Variants in CNGA1 observed in about 807,000 individuals in gnomAD.
The protein encoded by CNGA1 is cyclic nucleotide gated channel subunit alpha 1, also known as cyclic nucleotide-gated channel alpha-1.
Under a neutral mutation model 69.7 loss-of-function variants are expected in CNGA1, and 53 were observed. The observed-to-expected ratio is 0.76, with a 90% CI of 0.61 to 0.96. The LOEUF (loss-of-function observed/expected upper bound fraction) is 0.96. Among genes scored for constraint, CNGA1 ranks in the 40% least tolerant of loss-of-function variants. The pLI is 0.00. For missense variants in CNGA1, 739 were observed against 811.2 expected, an observed-to-expected ratio of 0.91 and a Z score of 1.08; for synonymous variants, 249 against 283.5, an observed-to-expected ratio of 0.88 and a Z score of 1.22.
At chr4:47,952,208 CA>C (rs145779138) in intron 4 of CNGA1, among the ~76,000 whole-genome samples, 158 of 149,296 alleles carry the variant, frequency 1.1e-3, no homozygotes, top group Non-Finnish European at 2.1e-3. Flanking sequence ...ACTAAAAATA[CA>C]AAAAAAAAAT....
intron 3 of CNGA1, among the ~76,000 whole-genome samples, chr4:47,964,992 A>G (rs1447053528): frequency 2.0e-5 from 3 of 152,050 alleles, no homozygotes; most frequent in African/African-American, 4.8e-5. Flanking sequence ...TTTTTGTATT[A>G]ATTAATTTCT....
At chr4:47,986,020 A>C (rs1333699226) in intron 2 of CNGA1, among the ~76,000 whole-genome samples, 1 of 152,230 alleles carries the variant, frequency 6.6e-6, no homozygotes, top group Non-Finnish European at 1.5e-5. Flanking sequence ...TAAAGTGTGG[A>C]GCACCTAAAC....
chr4:47,997,587 T>C (rs541065784), intron 2 of CNGA1, among the ~76,000 whole-genome samples: 2 of 152,284 alleles, frequency 1.3e-5, no homozygotes, highest in African/African-American at 4.8e-5. Flanking sequence ...TAAGTTATTA[T>C]GTATTATATA....
intron 10 of CNGA1, among the ~76,000 whole-genome samples, chr4:47,939,193 A>G (rs917031556): frequency 3.9e-5 from 6 of 152,180 alleles, no homozygotes; most frequent in Admixed American, 3.3e-4. Context: ...AACCTCCTTC[A>G]TCCAGGAAAG....
chr4:47,980,682 C>T (rs1291653825), intron 3 of CNGA1, among the ~76,000 whole-genome samples: 1 of 151,884 alleles, frequency 6.6e-6, no homozygotes, highest in Non-Finnish European at 1.5e-5. Flanking sequence ...GCCATATTGC[C>T]CAGGCTGGTC....
chr4:47,991,668 T>G (rs1270656812), intron 2 of CNGA1, among the ~76,000 whole-genome samples: 3 of 152,238 alleles, frequency 2.0e-5, no homozygotes, highest in Admixed American at 2.0e-4. Context: ...CACTTTAGTT[T>G]AATTAAGTCC....
intron 3 of CNGA1, among the ~76,000 whole-genome samples, chr4:47,958,205 TACACCTC>T (rs1413849429): frequency 6.6e-6 from 1 of 152,146 alleles, no homozygotes; most frequent in Non-Finnish European, 1.5e-5. Context: ...AATTTTTATA[TACACCTC>T]TGTTTAACAA....
Position 48,015,551 on chromosome 4 carries a change from C to T in CNGA1, c.-223+932G>A, listed in dbSNP as rs186358079. Among the ~76,000 whole-genome samples, 291 of 152,266 alleles carry T rather than the reference C, an allele frequency of 1.9e-3. 1 individual carries two copies. The highest frequency in any genetic ancestry group is 3.3e-3 in the Non-Finnish European group (226 of 68,024). On this transcript the variant is annotated intron_variant, in intron 1 of 10. Transcript: ENST00000514170. ...GTTAAAATGCCAGAGCACAAAGGCA[C>T]CCCAGTTCTCCCTGGTGAGGGTTTG... is the stretch of plus-strand genomic sequence containing the variant.
At chr4:47,977,309 T>A (rs1741467175) in intron 3 of CNGA1, among the ~76,000 whole-genome samples, 3 of 152,116 alleles carry the variant, frequency 2.0e-5, no homozygotes, top group African/African-American at 7.2e-5. Context: ...CACAAAGGAA[T>A]GACTATGGGA....
intron 9 of CNGA1, 37 bp from the exon 10 acceptor site, chr4:47,940,906 A>C: frequency 7.6e-7 from 1 of 1,313,786 alleles, no homozygotes; most frequent in Non-Finnish European, 1.1e-6. Context: ...ATAAAAAAGA[A>C]ATGGGGGCCA....
At chr4:47,979,686 CTT>C (rs1269840741) in intron 3 of CNGA1, among the ~76,000 whole-genome samples, 12 of 152,106 alleles carry the variant, frequency 7.9e-5, no homozygotes, top group Non-Finnish European at 1.6e-4. Flanking sequence ...TTCTTAGACA[CTT>C]TTTAAAATTT....
chr4:47,963,431 C>T (rs1237369343), intron 3 of CNGA1, among the ~76,000 whole-genome samples: 1 of 152,204 alleles, frequency 6.6e-6, no homozygotes, highest in African/African-American at 2.4e-5. Flanking sequence ...AAATGATCAC[C>T]TGGTCTCTTT....
chr4:47,974,113 TAG>T (rs1741213519), intron 3 of CNGA1, among the ~76,000 whole-genome samples: 1 of 147,120 alleles, frequency 6.8e-6, no homozygotes, highest in East Asian at 2.0e-4. Context: ...GATAGATAGA[TAG>T]ATAGATAGAT....
intron 3 of CNGA1, among the ~76,000 whole-genome samples, chr4:47,954,412 A>T (rs949489122): frequency 6.6e-6 from 1 of 152,146 alleles, no homozygotes; most frequent in African/African-American, 2.4e-5. Flanking sequence ...ACTATAACAC[A>T]TGCCCACTTG....
intron 2 of CNGA1, among the ~76,000 whole-genome samples, chr4:47,998,209 C>T (rs1322220405): frequency 2.6e-5 from 4 of 151,936 alleles, no homozygotes; most frequent in African/African-American, 9.7e-5. Context: ...AGAAATATGA[C>T]CTTGGAGATT....
At chr4:47,968,608 G>A (rs898860664) in intron 3 of CNGA1, among the ~76,000 whole-genome samples, 18 of 152,208 alleles carry the variant, frequency 1.2e-4, no homozygotes, top group African/African-American at 3.9e-4. Context: ...TGCCCCAAGA[G>A]CAGGAGACAT....
chr4:47,988,951 G>A (rs1469384043), intron 2 of CNGA1, among the ~76,000 whole-genome samples: 2 of 151,384 alleles, frequency 1.3e-5, no homozygotes, highest in South Asian at 4.2e-4. Context: ...AGAATGTACA[G>A]GATTAAGAAA....
rs1245665687 is a variant in CNGA1 at position 47,968,051 on chromosome 4, G to A, written c.-15+13342C>T. 5.5e-4 allele frequency among the ~76,000 whole-genome samples: 83 copies of A among 152,060 alleles called. 2 individuals are homozygous for A. Among genetic ancestry groups the A allele is most frequent in the Admixed American group, 5.4e-3 (83 of 15,262 alleles). Reference sequence around the variant, plus strand: ...AAATAGCACACATGTACAATGCACAGAGTTCTCTGCCAGTTGGATAAGGAA... The same window carrying A: ...AAATAGCACACATGTACAATGCACAAAGTTCTCTGCCAGTTGGATAAGGAA... On this transcript the variant is annotated intron_variant, in intron 3 of 10. Coordinates refer to ENST00000514170, the MANE Select transcript of CNGA1 (RefSeq NM_001379270.1).
chr4:47,949,699 A>G lies in CNGA1; in HGVS notation c.287+134T>C, dbSNP rs1329562980. The G allele has an allele frequency of 4.5e-6, 3 of 664,476 alleles. No homozygotes were observed. In the East Asian group the frequency reaches 8.2e-5, roughly 18 times the overall value. The allele number at this position is 664,476 out of a possible 1,614,324, so 41.2% of individuals were successfully genotyped here. ...AACACTACTTTTCAACAAAATGATAAGACTATCATTGCCATTGTATTAGAT... is the reference window on the plus strand; with the variant it reads ...AACACTACTTTTCAACAAAATGATAGGACTATCATTGCCATTGTATTAGAT... On this transcript the variant is annotated intron_variant, in intron 6 of 10. Transcript: ENST00000514170.
Sources: allele counts gnomAD v4.1 joint callset (sites outside exome capture counted in the v4.1 genomes callset), GRCh38; gene constraint gnomAD v4.1.1; transcripts MANE v1.5; gene names NCBI Gene and HGNC (gene_info 2026-07-23, HGNC 2026-07-21).